DDX19B: variants seen among roughly 807,000 people sequenced by gnomAD.
DDX19B encodes the protein ATP-dependent RNA helicase DDX19B.
A neutral mutation model predicts 58.1 loss-of-function variants in DDX19B; 27 were observed. The ratio of observed to expected loss-of-function variants is 0.46; its 90% CI spans 0.34 to 0.64. DDX19B has a LOEUF of 0.64. Ranked by LOEUF, DDX19B falls within the 30% of genes least tolerant of loss-of-function variation. The probability of loss-of-function intolerance (pLI) is 0.01; values close to 1 mark genes in which losing one functional copy is unlikely to be tolerated. For missense variants in DDX19B, 399 were observed against 596.5 expected (o/e 0.67, Z 3.45); for synonymous variants, 187 against 214.4 (o/e 0.87, Z 1.12).
chr16:70,333,031 A>G lies in DDX19B; in HGVS notation c.1250A>G (p.Asn417Ser), dbSNP rs761158066. The change falls in exon 11 of 12, where the codon AAT becomes AGT. Residue 417 changes from asparagine (N) to serine (S), a missense_variant. Asn to Ser is a conservative substitution (Grantham distance 46). Transcript: ENST00000288071. ...GATCTTCCCGTGGACAAGGACGGGA[A>G]TCCTGACAATGAGACCTACCTGCAC... ...NFDLPVDKDG[N>S]PDNETYLHRI... 4.3e-6 allele frequency: 7 copies of G among 1,613,146 alleles called. No individual in the cohort carries two copies. In the Admixed American group the frequency reaches 1.2e-4, roughly 27 times the overall value.
At position 70,330,499 on chromosome 16, in the gene DDX19B, A is replaced by G. The variant is rs191762115; in HGVS notation, c.1023+431A>G. Among the ~76,000 whole-genome samples, 299 of 152,136 alleles carry G rather than the reference A, an allele frequency of 2.0e-3. 2 individuals carry two copies. The highest frequency in any genetic ancestry group is 6.0e-3 in the African/African-American group (249 of 41,510). ...GCTACTCAGGAGGCTGAAGCAGGAG[A>G]ATCGCTTGAACCCGGGAGGTGGAGG... On this transcript the variant is annotated intron_variant, in intron 9 of 11. Coordinates refer to ENST00000288071, the MANE Select transcript of DDX19B (RefSeq NM_007242.7).
In DDX19B at chr16:70,316,090, T is replaced by C; in HGVS notation, c.282T>C (p.Phe94=). The C allele has an allele frequency of 6.2e-7, 1 of 1,614,186 alleles. No homozygotes were observed. The highest frequency in any genetic ancestry group is 8.5e-7 in the Non-Finnish European group (1 of 1,180,044). ...CCCCTCTGTACTCGGTGAAGTCTTT[T>C]GAAGAGCTTCGGCTGTGAGTATTTA... is the stretch of plus-strand genomic sequence containing the variant. ...PNSPLYSVKS[F]EELRLKPQLL... The change falls in exon 4 of 12, where the codon TTT becomes TTC. Residue 94 remains phenylalanine, a synonymous_variant. Coordinates refer to ENST00000288071, the MANE Select transcript of DDX19B (RefSeq NM_007242.7).
At chr16:70,329,072 A>AT (rs1963331429) in intron 7 of DDX19B, among the ~76,000 whole-genome samples, 1 of 151,408 alleles carries the variant, frequency 6.6e-6, no homozygotes, top group Non-Finnish European at 1.5e-5. Flanking sequence ...AAAAAAAAAA[A>AT]ATTAGCCAGG....
chr16:70,299,078 G>A, upstream of DDX19B: 1 of 1,228,076 alleles, frequency 8.1e-7, no homozygotes, highest in Non-Finnish European at 1.0e-6. Flanking sequence ...TCTGCCCGGG[G>A]TTGAGGGGTA....
upstream of DDX19B, chr16:70,295,113 C>T (rs965129803): frequency 8.0e-6 from 10 of 1,250,824 alleles, no homozygotes; most frequent in South Asian, 2.8e-5. Flanking sequence ...TGGCTAGGCT[C>T]ACGTGGGAAT....
chr16:70,319,822 A>AT (rs1422903264), intron 5 of DDX19B: 1 of 152,014 alleles, frequency 6.6e-6, no homozygotes, highest in African/African-American at 2.4e-5. Flanking sequence ...AGCCCAGAAG[A>AT]TTGAGGCTAC....
chr16:70,326,666 AG>A (rs1963164979), intron 7 of DDX19B, among the ~76,000 whole-genome samples: 2 of 152,006 alleles, frequency 1.3e-5, no homozygotes, highest in Admixed American at 6.6e-5. Flanking sequence ...ACTCCCAAGT[AG>A]CTGGGATTAC....
At chr16:70,290,508 G>C (rs1012024052), upstream of DDX19B, among the ~76,000 whole-genome samples, 2 of 151,922 alleles carry the variant, frequency 1.3e-5, no homozygotes, top group Non-Finnish European at 2.9e-5. Flanking sequence ...GCCTGGCTAC[G>C]GAGCAAGACT....
intron 1 of DDX19B, among the ~76,000 whole-genome samples, chr16:70,305,157 T>C (rs1961691180): frequency 6.6e-6 from 1 of 152,182 alleles, no homozygotes; most frequent in Admixed American, 6.6e-5. Flanking sequence ...TATATATCTT[T>C]AGTGGTCTAT....
chr16:70,317,586 G>A lies in DDX19B; in HGVS notation c.387G>A (p.Glu129=). Reference sequence around the variant, plus strand: ...ACGCATTGCCACTGATGCTTGCTGAGCCGTATGTGTCCTATTACAACTCCA... The same window carrying A: ...ACGCATTGCCACTGATGCTTGCTGAACCGTATGTGTCCTATTACAACTCCA... ...QENALPLMLA[E]PPQNLIAQSQ... is the part of the protein sequence containing the mutation. Residue 129 remains glutamate (E), a splice_region_variant and synonymous_variant, in exon 5 of 12, where the codon GAG becomes GAA. Transcript: ENST00000288071. 1 of 1,610,154 alleles carries A rather than the reference G, an allele frequency of 6.2e-7. No homozygotes were observed. The highest frequency in any genetic ancestry group is 8.5e-7 in the Non-Finnish European group (1 of 1,177,436).
chr16:70,327,919 G>C (rs1015647910), intron 7 of DDX19B, among the ~76,000 whole-genome samples: 3 of 152,086 alleles, frequency 2.0e-5, no homozygotes, highest in African/African-American at 7.2e-5. Context: ...GGGAGCCTAA[G>C]GTGGGTGGAT....
At chr16:70,322,891 C>CAAA (rs113261271) in intron 5 of DDX19B, among the ~76,000 whole-genome samples, 3 of 48,124 alleles carry the variant, frequency 6.2e-5, no homozygotes, top group Non-Finnish European at 1.3e-4. Flanking sequence ...AACTCCGTTG[C>CAAA]AAAAAAAAAA....
At chr16:70,294,901 C>A (rs772076447), upstream of DDX19B, 47 of 1,526,808 alleles carry the variant, frequency 3.1e-5, 1 homozygote, top group South Asian at 5.5e-4. Flanking sequence ...TTTCCCATCA[C>A]CCTGCCTGTG....
Position 70,299,197 on chromosome 16 carries a change from G to A in DDX19B, c.-101G>A, listed in dbSNP as rs1331182707. The A allele has an allele frequency of 2.0e-5, 28 of 1,407,820 alleles. No individual in the cohort carries two copies. Among genetic ancestry groups the A allele is most frequent in the Non-Finnish European group, 2.3e-5 (25 of 1,081,820 alleles). The allele number at this position is 1,407,820 out of a possible 1,614,324, so 87.2% of individuals were successfully genotyped here. ...GCCGCTTCCGGTCTGCAGCCTTGTAGTGGGGCTGGAGCAGAGCCTGCCGCG... is the reference window on the plus strand; with the variant it reads ...GCCGCTTCCGGTCTGCAGCCTTGTAATGGGGCTGGAGCAGAGCCTGCCGCG... On this transcript the variant is annotated 5_prime_UTR_variant, in exon 1 of 12. In the 5' UTR this introduces an upstream ATG that the reference lacks. Coordinates refer to ENST00000288071, the MANE Select transcript of DDX19B (RefSeq NM_007242.7).
chr16:70,304,100 C>T (rs922931750), intron 1 of DDX19B, among the ~76,000 whole-genome samples: 2 of 151,168 alleles, frequency 1.3e-5, no homozygotes, highest in Admixed American at 6.6e-5. Flanking sequence ...AGTGCAGTGG[C>T]GCAATCTCAG....
chr16:70,294,715 C>A, upstream of DDX19B: 1 of 596,406 alleles, frequency 1.7e-6, no homozygotes, highest in Non-Finnish European at 2.6e-6. Context: ...TCCTGGGGCG[C>A]GTGCCCGAGC....
chr16:70,291,467 T>A (rs1360889011), upstream of DDX19B, among the ~76,000 whole-genome samples: 1 of 152,180 alleles, frequency 6.6e-6, no homozygotes, highest in Non-Finnish European at 1.5e-5. Context: ...CTGCCAGAGT[T>A]GTTACTAGGA....
chr16:70,330,702 C>T (rs1309499728), intron 9 of DDX19B, among the ~76,000 whole-genome samples: 3 of 152,004 alleles, frequency 2.0e-5, no homozygotes, highest in Non-Finnish European at 4.4e-5. Flanking sequence ...TCGCTTGAGC[C>T]CAGGAGTTCA....
chr16:70,324,014 A>G (rs1420592250), intron 5 of DDX19B, among the ~76,000 whole-genome samples: 1 of 152,092 alleles, frequency 6.6e-6, no homozygotes, highest in East Asian at 1.9e-4. Context: ...TTCTCTGAGC[A>G]GTACTAGGGC....
Sources: gnomAD v4.1 joint callset for allele counts (sites outside exome capture counted in the v4.1 genomes callset) on GRCh38, gnomAD v4.1.1 for gene constraint, MANE v1.5 for transcripts, NCBI Gene and HGNC (gene_info 2026-07-23, HGNC 2026-07-21) for gene names.